The following BTBD7 variants were observed in gnomAD, a reference collection of about 807,000 sequenced individuals.
The protein encoded by BTBD7 is BTB/POZ domain-containing protein 7.
Under a neutral mutation model 99.9 loss-of-function variants are expected in BTBD7, and 38 were observed. The observed-to-expected ratio is 0.38, with a 90% CI of 0.29 to 0.50. The LOEUF is 0.50. Ranked by LOEUF, BTBD7 falls within the 20% of genes least tolerant of loss-of-function variation. The pLI, the probability that BTBD7 is intolerant of heterozygous loss-of-function variation, is 0.93. For missense variants in BTBD7, 1,170 were observed against 1,394.6 expected, an observed-to-expected ratio of 0.84 and a Z score of 2.57; for synonymous variants, 520 against 511.4, an observed-to-expected ratio of 1.02 and a Z score of -0.23.
At chr14:93,256,255 TG>T (rs1314333167) in intron 6 of BTBD7, 1 of 152,210 alleles carries the variant, frequency 6.6e-6, no homozygotes, top group African/African-American at 2.4e-5. Flanking sequence ...TATTATGTTT[TG>T]TTTTTTTTCC....
At chr14:93,274,700 A>T (rs1401324108) in intron 3 of BTBD7, among the ~76,000 whole-genome samples, 1 of 152,200 alleles carries the variant, frequency 6.6e-6, no homozygotes, top group Non-Finnish European at 1.5e-5. Flanking sequence ...AGAACTTCCC[A>T]AAATAAACTT....
At chr14:93,312,543 G>C (rs2053149938) in intron 1 of BTBD7, among the ~76,000 whole-genome samples, 1 of 152,174 alleles carries the variant, frequency 6.6e-6, no homozygotes, top group East Asian at 1.9e-4. Context: ...ACCTGAATGT[G>C]TGTTCTGAGC....
intron 1 of BTBD7, among the ~76,000 whole-genome samples, chr14:93,314,483 C>A (rs2053176319): frequency 6.6e-6 from 1 of 151,980 alleles, no homozygotes; most frequent in South Asian, 2.1e-4. Context: ...AAAAATATGG[C>A]CACACACAAA....
intron 3 of BTBD7, among the ~76,000 whole-genome samples, chr14:93,292,742 G>T (rs530771364): frequency 6.6e-6 from 1 of 152,146 alleles, no homozygotes; most frequent in South Asian, 2.1e-4. Context: ...CTGCAGCCCT[G>T]AACTCCTGAC....
intron 10 of BTBD7, chr14:93,244,142 G>C: frequency 2.1e-6 from 1 of 480,354 alleles, no homozygotes; most frequent in Non-Finnish European, 4.1e-6. Flanking sequence ...AGGAAGCAGA[G>C]TGACTATGGT....
At position 93,296,154 on chromosome 14, in the gene BTBD7, A is replaced by G. The variant is rs1026322999; in HGVS notation, c.-103T>C. 8.6e-5 allele frequency: 115 copies of G among 1,330,516 alleles called. No homozygotes were observed. Among genetic ancestry groups the G allele is most frequent in the Admixed American group, 1.0e-4 (3 of 29,966 alleles). The allele number at this position is 1,330,516 out of a possible 1,614,324, so 82.4% of individuals were successfully genotyped here. A position where few individuals can be genotyped will look rare whatever the true frequency, so the allele number is the denominator to read the frequency against. ...TGGATCCAGCAGCCTCTTTTCATCC[A>G]TTTCTTGATATGAAATAAAAATAAT... On this transcript the variant is annotated 5_prime_UTR_variant, in exon 2 of 11. The change abolishes an upstream ATG in the 5' untranslated region. Coordinates refer to ENST00000334746, the MANE Select transcript of BTBD7 (RefSeq NM_001002860.4).
intron 1 of BTBD7, among the ~76,000 whole-genome samples, chr14:93,303,814 T>TA (rs2053034603): frequency 6.6e-6 from 1 of 152,106 alleles, no homozygotes; most frequent in Non-Finnish European, 1.5e-5. Flanking sequence ...AAATGGGAAT[T>TA]AGAGGGCTGA....
chr14:93,268,218 AGATGCT>A (rs367683951), intron 3 of BTBD7, among the ~76,000 whole-genome samples: 23,564 of 152,172 alleles, frequency 0.15, 2,810 homozygotes, highest in African/African-American at 0.33. Context: ...GTCTCAGCTT[AGATGCT>A]GCCTCTTTTA....
At chr14:93,249,266 C>CAAAAAAAAAAAAAAAAAAA (rs56893984) in intron 8 of BTBD7, among the ~76,000 whole-genome samples, 1 of 25,942 alleles carries the variant, frequency 3.9e-5, no homozygotes. Context: ...ACCAGATAGG[C>CAAAAAAAAAAAAAAAAAAA]AAAAAAAAAA....
At chr14:93,278,446 T>C (rs1270404263) in intron 3 of BTBD7, among the ~76,000 whole-genome samples, 2 of 152,132 alleles carry the variant, frequency 1.3e-5, no homozygotes, top group Admixed American at 6.6e-5. Flanking sequence ...AACCTTCTGA[T>C]ATCTTCTGGT....
At chr14:93,312,339 G>C (rs955123374) in intron 1 of BTBD7, among the ~76,000 whole-genome samples, 1 of 152,070 alleles carries the variant, frequency 6.6e-6, no homozygotes, top group African/African-American at 2.4e-5. Context: ...CTCATCATCA[G>C]CTTAAAGTAC....
chr14:93,245,224 A>C (rs890522017), intron 10 of BTBD7, among the ~76,000 whole-genome samples: 2 of 152,134 alleles, frequency 1.3e-5, no homozygotes, highest in Admixed American at 6.5e-5. Flanking sequence ...TGCAAAATCA[A>C]GCAAAGAATC....
chr14:93,295,033 A>G (rs1048809050), intron 2 of BTBD7, 96 bp from the exon 3 acceptor site: 1 of 1,191,374 alleles, frequency 8.4e-7, no homozygotes, highest in Non-Finnish European at 1.1e-6. Flanking sequence ...GTAAGCAGAC[A>G]TTACCGAACC....
At chr14:93,270,794 C>T (rs951588609) in intron 3 of BTBD7, among the ~76,000 whole-genome samples, 8 of 152,114 alleles carry the variant, frequency 5.3e-5, no homozygotes, top group Non-Finnish European at 7.4e-5. Flanking sequence ...CAATACATTC[C>T]GCTCAGGCAG....
chr14:93,273,004 C>T (rs733560), intron 3 of BTBD7, among the ~76,000 whole-genome samples: 1 of 151,886 alleles, frequency 6.6e-6, no homozygotes, highest in East Asian at 1.9e-4. Context: ...TTTCGGCATG[C>T]ACTGTGGGGA....
intron 1 of BTBD7, among the ~76,000 whole-genome samples, chr14:93,317,855 G>A (rs974867373): frequency 6.6e-6 from 1 of 152,204 alleles, no homozygotes; most frequent in African/African-American, 2.4e-5. Flanking sequence ...AAGCTAGACA[G>A]AGGGTGCCTA....
chr14:93,246,427 C>T (rs1378568177), intron 9 of BTBD7, 141 bp from the exon 10 acceptor site: 7 of 997,300 alleles, frequency 7.0e-6, no homozygotes, highest in African/African-American at 5.0e-5. Context: ...TTTTTCTAGG[C>T]CAGAAGCCCA....
chr14:93,259,466 C>T (rs1289985015), intron 5 of BTBD7, among the ~76,000 whole-genome samples: 3 of 152,164 alleles, frequency 2.0e-5, no homozygotes, highest in African/African-American at 7.2e-5. Context: ...GTGCCTCTGT[C>T]TTGTTAGAAC....
chr14:93,306,289 G>A (rs1046608183), intron 1 of BTBD7, among the ~76,000 whole-genome samples: 1 of 152,014 alleles, frequency 6.6e-6, no homozygotes, highest in African/African-American at 2.4e-5. Flanking sequence ...GGTGATAAAG[G>A]TAATGGGTTT....
Sources: allele counts gnomAD v4.1 joint callset (sites outside exome capture counted in the v4.1 genomes callset), GRCh38; gene constraint gnomAD v4.1.1; transcripts MANE v1.5; gene names NCBI Gene and HGNC (gene_info 2026-07-23, HGNC 2026-07-21).